Variants in PRKACB observed in about 807,000 individuals in gnomAD.
PRKACB encodes the protein cAMP-dependent protein kinase catalytic subunit beta.
PRKACB carries 16 observed loss-of-function variants against 51.4 expected under a neutral mutation model. That is an observed-to-expected ratio of 0.31 (90% CI 0.21 to 0.47). The LOEUF (loss-of-function observed/expected upper bound fraction) is 0.47, where lower values mean the gene tolerates loss of function less well. Among genes scored for constraint, PRKACB ranks in the 20% least tolerant of loss-of-function variants. PRKACB has a pLI of 1.00. For missense variants in PRKACB, 309 were observed against 464.5 expected, an observed-to-expected ratio of 0.67 and a Z score of 3.08; for synonymous variants, 147 against 154.4, an observed-to-expected ratio of 0.95 and a Z score of 0.35.
chr1:84,191,018 A>G (rs946056418), intron 5 of PRKACB, among the ~76,000 whole-genome samples: 1 of 152,094 alleles, frequency 6.6e-6, no homozygotes, highest in Non-Finnish European at 1.5e-5. Flanking sequence ...GACCATTTAC[A>G]TTCAGGGTTA....
chr1:84,174,959 G>T, intron 1 of PRKACB: 1 of 1,320,832 alleles, frequency 7.6e-7, no homozygotes, highest in Non-Finnish European at 1.0e-6. Flanking sequence ...CTGAAAAAAT[G>T]CGTATTGGTG....
At chr1:84,097,654 GT>G (rs1649027968) in intron 1 of PRKACB, among the ~76,000 whole-genome samples, 1 of 152,062 alleles carries the variant, frequency 6.6e-6, no homozygotes, top group South Asian at 2.1e-4. Context: ...CTGTAACTTA[GT>G]CTAAGTCCAA....
chr1:84,178,971 A>G (rs773355447), intron 1 of PRKACB: 37 of 430,582 alleles, frequency 8.6e-5, no homozygotes, highest in Non-Finnish European at 1.4e-4. Flanking sequence ...TTCTTTATAG[A>G]ACAATATTAG....
chr1:84,090,105 A>G (rs1002594769), intron 1 of PRKACB, among the ~76,000 whole-genome samples: 7 of 152,202 alleles, frequency 4.6e-5, no homozygotes, highest in Non-Finnish European at 1.0e-4. Flanking sequence ...TGAGCTGTCA[A>G]CATGACTTTA....
At chr1:84,140,694 G>T (rs187719351), upstream of PRKACB, among the ~76,000 whole-genome samples, 572 of 152,112 alleles carry the variant, frequency 3.8e-3, 3 homozygotes, top group African/African-American at 0.012. Context: ...TCAGACCTGG[G>T]ACAATATATC....
chr1:84,103,539 T>A (rs577260006), intron 1 of PRKACB, among the ~76,000 whole-genome samples: 5 of 152,050 alleles, frequency 3.3e-5, no homozygotes, highest in African/African-American at 1.2e-4. Context: ...GATGAGAGAG[T>A]GACTCAGCAA....
At chr1:84,123,203 A>G (rs1355658958) in intron 1 of PRKACB, among the ~76,000 whole-genome samples, 4 of 152,218 alleles carry the variant, frequency 2.6e-5, no homozygotes, top group African/African-American at 7.2e-5. Flanking sequence ...ATAGTGATGT[A>G]TGAGATTGTT....
At chr1:84,232,020 C>G (rs907087737) in intron 9 of PRKACB, among the ~76,000 whole-genome samples, 2 of 151,478 alleles carry the variant, frequency 1.3e-5, no homozygotes, top group African/African-American at 4.9e-5. Flanking sequence ...GTTAGGGTGT[C>G]AATTTTGGAT....
At chr1:84,195,928 G>T (rs1668126051) in intron 5 of PRKACB, among the ~76,000 whole-genome samples, 2 of 140,190 alleles carry the variant, frequency 1.4e-5, no homozygotes, top group South Asian at 2.3e-4. Flanking sequence ...AAAAAAAAAA[G>T]AACTGTACGT....
At chr1:84,212,127 A>G (rs1339299381) in intron 8 of PRKACB, among the ~76,000 whole-genome samples, 1 of 152,170 alleles carries the variant, frequency 6.6e-6, no homozygotes, top group African/African-American at 2.4e-5. Flanking sequence ...ATCTTTTACT[A>G]GCATAGAAAA....
At chr1:84,142,005 A>G (rs1335033319), upstream of PRKACB, among the ~76,000 whole-genome samples, 1 of 152,138 alleles carries the variant, frequency 6.6e-6, no homozygotes, top group Admixed American at 6.5e-5. Context: ...GTCTCTATAT[A>G]TGAGCAACTT....
intron 1 of PRKACB, among the ~76,000 whole-genome samples, chr1:84,096,595 C>G (rs1046891310): frequency 6.6e-6 from 1 of 152,116 alleles, no homozygotes; most frequent in Non-Finnish European, 1.5e-5. Flanking sequence ...TTTTCAGGAC[C>G]TTGGTGTTCC....
At chr1:84,098,145 A>C (rs1333969295) in intron 1 of PRKACB, among the ~76,000 whole-genome samples, 1 of 152,118 alleles carries the variant, frequency 6.6e-6, no homozygotes, top group Non-Finnish European at 1.5e-5. Flanking sequence ...CCTTTTTTAG[A>C]TGTAATGCCT....
At chr1:84,191,389 C>G (rs913576914) in intron 5 of PRKACB, among the ~76,000 whole-genome samples, 1 of 151,930 alleles carries the variant, frequency 6.6e-6, no homozygotes, top group Non-Finnish European at 1.5e-5. Flanking sequence ...GCTGAGAGGT[C>G]CCCTGCTGAT....
chr1:84,109,540 AAAT>A (rs920685516), intron 1 of PRKACB, among the ~76,000 whole-genome samples: 1 of 151,888 alleles, frequency 6.6e-6, no homozygotes, highest in African/African-American at 2.4e-5. Flanking sequence ...TTCTTTGAAA[AAAT>A]ACAAACAGTA....
intron 1 of PRKACB, among the ~76,000 whole-genome samples, chr1:84,124,965 T>C (rs1651442881): frequency 6.6e-6 from 1 of 152,152 alleles, no homozygotes; most frequent in Admixed American, 6.5e-5. Context: ...GGAAATAGAA[T>C]CCCACTTTCC....
chr1:84,091,565 G>A (rs894654056), intron 1 of PRKACB, among the ~76,000 whole-genome samples: 6 of 152,006 alleles, frequency 3.9e-5, no homozygotes, highest in African/African-American at 9.7e-5. Flanking sequence ...GTGCAGTGGT[G>A]TGATCATGAG....
chr1:84,141,285 C>T (rs1182224591), upstream of PRKACB, among the ~76,000 whole-genome samples: 3 of 152,000 alleles, frequency 2.0e-5, no homozygotes, highest in Non-Finnish European at 4.4e-5. Context: ...GGAAGAATAA[C>T]AAGCAATATA....
At chr1:84,093,529 GTCA>G (rs946138810) in intron 1 of PRKACB, among the ~76,000 whole-genome samples, 1 of 151,776 alleles carries the variant, frequency 6.6e-6, no homozygotes, top group African/African-American at 2.4e-5. Flanking sequence ...TATAATAGAA[GTCA>G]TCATAATCAG....
Sources: gnomAD v4.1 joint callset for allele counts (sites outside exome capture counted in the v4.1 genomes callset) on GRCh38, gnomAD v4.1.1 for gene constraint, MANE v1.5 for transcripts, NCBI Gene and HGNC (gene_info 2026-07-23, HGNC 2026-07-21) for gene names.